COQ6: variants seen among roughly 807,000 people sequenced by gnomAD.
COQ6 encodes the protein ubiquinone biosynthesis monooxygenase COQ6, mitochondrial.
COQ6 carries 45 observed loss-of-function variants against 55.5 expected under a neutral mutation model. The ratio of observed to expected loss-of-function variants is 0.81; its 90% CI spans 0.64 to 1.04. COQ6 has a LOEUF of 1.04. Ranked by LOEUF, COQ6 falls within the 50% of genes least tolerant of loss-of-function variation. The pLI is 0.00. For synonymous variants in COQ6, 206 were observed against 230.5 expected, an observed-to-expected ratio of 0.89 and a Z score of 0.96; for missense variants, 550 against 601.3, an observed-to-expected ratio of 0.91 and a Z score of 0.89.
intron 6 of COQ6, 26 bp downstream of exon 6, chr14:73,959,104 G>T: frequency 2.5e-6 from 4 of 1,614,106 alleles, no homozygotes; most frequent in Non-Finnish European, 3.4e-6. Context: ...GCCATCTGGG[G>T]ACTTTATTCA....
In COQ6 at chr14:73,953,581, ATCC is replaced by A. The variant is rs1030977081; in HGVS notation, c.298+17_298+19del. Reference sequence around the variant, plus strand: ...AACGCTTCTCAGTAGTGAGTAGAAGATCCTCCTTCAAAGATCCAATCTCCTTTC... The same window carrying A: ...AACGCTTCTCAGTAGTGAGTAGAAGATCCTTCAAAGATCCAATCTCCTTTC... On this transcript the variant is annotated intron_variant, in intron 2 of 11. Coordinates refer to ENST00000334571, the MANE Select transcript of COQ6 (RefSeq NM_182476.3). 1 of 1,614,136 alleles carries A rather than the reference ATCC, an allele frequency of 6.2e-7. No homozygotes were observed. Among genetic ancestry groups the A allele is most frequent in the Non-Finnish European group, 8.5e-7 (1 of 1,180,010 alleles).
At chr14:73,958,579 T>G (rs1203821537) in intron 5 of COQ6, 61 of 1,292,222 alleles carry the variant, frequency 4.7e-5, no homozygotes, top group Non-Finnish European at 5.9e-5. Context: ...TGGTCATTGA[T>G]CTCTTGCCTC....
At position 73,963,325 on chromosome 14, in the gene COQ6, G is replaced by GT. The variant is rs1474398604; in HGVS notation, c.*331dup. 1 of 441,766 alleles carries GT rather than the reference G, an allele frequency of 2.3e-6. No individual in the cohort carries two copies. The highest frequency in any genetic ancestry group is 2.0e-5 in the African/African-American group (1 of 49,638). 27.4% of individuals were successfully genotyped at this position (441,766 alleles called of 1,614,324 possible). A position where few individuals can be genotyped will look rare whatever the true frequency, so the allele number is the denominator to read the frequency against. ...TTTCTAAAGAGAAAATTTACATTTT[G>GT]TTTTTGTTTTAATGTTGGTCATAAA... On this transcript the variant is annotated 3_prime_UTR_variant, in exon 12 of 12. Coordinates refer to ENST00000334571, the MANE Select transcript of COQ6 (RefSeq NM_182476.3).
At chr14:73,962,586 C>G (rs1287973727) in intron 11 of COQ6, 2 of 186,728 alleles carry the variant, frequency 1.1e-5, no homozygotes, top group Admixed American at 1.1e-4. Flanking sequence ...ATAGGGATTT[C>G]TAATGATGAA....
chr14:73,956,327 CA>C (rs34194477), intron 4 of COQ6: 23,840 of 146,234 alleles, frequency 0.16, 1,532 homozygotes, highest in Admixed American at 0.22. Context: ...GACTCCGTCT[CA>C]AAAAAAAAAA....
chr14:73,959,957 T>TA, intron 8 of COQ6: 1 of 1,113,786 alleles, frequency 9.0e-7, no homozygotes, highest in Non-Finnish European at 1.1e-6. Flanking sequence ...CTAGATTATG[T>TA]GGAGGAGTGT....
intron 4 of COQ6, among the ~76,000 whole-genome samples, chr14:73,957,831 C>A (rs1347705961): frequency 6.6e-6 from 1 of 152,148 alleles, no homozygotes; most frequent in Non-Finnish European, 1.5e-5. Context: ...GTATTCCCAG[C>A]CTGTCTACTG....
In COQ6 at chr14:73,959,599, C is replaced by T. The variant is rs757781463; in HGVS notation, c.891+77C>T. The T allele has an allele frequency of 8.8e-6, 14 of 1,598,840 alleles. No individual in the cohort carries two copies. In the South Asian group the frequency reaches 8.9e-5, roughly 10 times the overall value. ...AGGTGTTGTTTTTTTTTTTTTGAAA[C>T]GGATCCTTGCCAGGCTGGAGCGCAG... On this transcript the variant is annotated intron_variant, in intron 8 of 11. Transcript: ENST00000334571.
At chr14:73,960,752 A>G (rs1218751713) in intron 8 of COQ6, 11 of 434,118 alleles carry the variant, frequency 2.5e-5, no homozygotes, top group African/African-American at 4.1e-5. Flanking sequence ...TACAGGGGGG[A>G]AACACAGAGA....
chr14:73,957,309 T>A (rs2056484266), intron 4 of COQ6, among the ~76,000 whole-genome samples: 1 of 151,968 alleles, frequency 6.6e-6, no homozygotes, highest in Admixed American at 6.6e-5. Context: ...GTGGTCTCAA[T>A]CTCCTGACCT....
chr14:73,961,990 C>T, intron 11 of COQ6, 87 bp downstream of exon 11: 3 of 1,490,302 alleles, frequency 2.0e-6, no homozygotes, highest in South Asian at 2.3e-5. Context: ...TCTTATCGCC[C>T]AGGATGGAGT....
At position 73,959,334 on chromosome 14, in the gene COQ6, T is replaced by A. The variant is rs761630783; in HGVS notation, c.784-81T>A. On this transcript the variant is annotated intron_variant, in intron 7 of 11. Coordinates refer to ENST00000334571, the MANE Select transcript of COQ6 (RefSeq NM_182476.3). ...GAATCTGCCCAGGCTGTTTGTAAGT[T>A]CCCTTTTTGTCTTTTTATGCTTGAG... is the stretch of plus-strand genomic sequence containing the variant. 7 of 1,614,186 alleles carry A rather than the reference T, an allele frequency of 4.3e-6. No individual in the cohort carries two copies. The Admixed American group carries it at 1.2e-4, about 27-fold the overall frequency.
At chr14:73,949,921 A>C (rs1399565791), upstream of COQ6, 1 of 1,606,938 alleles carries the variant, frequency 6.2e-7, no homozygotes, top group Admixed American at 1.7e-5. Flanking sequence ...AACGCCCAAC[A>C]GTTTCCTCTC....
At chr14:73,951,714 G>A (rs1247208309) in intron 1 of COQ6, among the ~76,000 whole-genome samples, 1 of 145,620 alleles carries the variant, frequency 6.9e-6, no homozygotes, top group Non-Finnish European at 1.5e-5. Context: ...TGTGACCCAA[G>A]ACAATTCTTC....
chr14:73,955,379 C>T (rs1227768382), intron 2 of COQ6, 72 bp from the exon 3 acceptor site: 1 of 1,114,136 alleles, frequency 9.0e-7, no homozygotes, highest in African/African-American at 1.5e-5. Context: ...TCTTACGTAA[C>T]AGGATGGAGG....
chr14:73,961,211 T>C lies in COQ6; in HGVS notation c.930T>C (p.Ala310=), dbSNP rs143893523. ...DADHTDFIDT[A]GAMLQYAVSL... is the part of the protein sequence containing the mutation. ...ACCACACGGACTTCATCGACACAGC[T>C]GGTGCCATGCTGCAGTATGCTGTCA... is the stretch of plus-strand genomic sequence containing the variant. Residue 310 remains alanine, a synonymous_variant, in exon 9 of 12, where the codon GCT becomes GCC. Coordinates refer to ENST00000334571, the MANE Select transcript of COQ6 (RefSeq NM_182476.3). 5.6e-6 allele frequency: 9 copies of C among 1,614,094 alleles called. No individual in the cohort carries two copies. Among genetic ancestry groups the C allele is most frequent in the Non-Finnish European group, 7.6e-6 (9 of 1,179,994 alleles).
intron 8 of COQ6, chr14:73,960,915 AG>A (rs1025424037): frequency 1.2e-5 from 7 of 570,544 alleles, no homozygotes; most frequent in Non-Finnish European, 2.2e-5. Context: ...GTGGTTATTG[AG>A]GGTGGGGACT....
chr14:73,958,533 G>A (rs2056553433), intron 5 of COQ6: 1 of 1,325,934 alleles, frequency 7.5e-7, no homozygotes, highest in African/African-American at 1.5e-5. Flanking sequence ...CCAGAGTGTT[G>A]GGAATGGAGG....
At chr14:73,955,388 G>T in intron 2 of COQ6, 63 bp from the exon 3 acceptor site, 1 of 1,214,034 alleles carries the variant, frequency 8.2e-7, no homozygotes, top group Non-Finnish European at 1.2e-6. Flanking sequence ...ACAGGATGGA[G>T]GGACAAGGGG....
Sources: gnomAD v4.1 joint callset for allele counts (sites outside exome capture counted in the v4.1 genomes callset) on GRCh38, gnomAD v4.1.1 for gene constraint, MANE v1.5 for transcripts, NCBI Gene and HGNC (gene_info 2026-07-23, HGNC 2026-07-21) for gene names.